Variants in COL11A1 observed in about 807,000 individuals in gnomAD.
COL11A1 encodes the protein collagen type XI alpha 1 chain, also known as collagen alpha-1(XI) chain.
A neutral mutation model predicts 265.2 loss-of-function variants in COL11A1; 74 were observed. The ratio of observed to expected loss-of-function variants is 0.28; its 90% CI spans 0.23 to 0.34. COL11A1 has a LOEUF of 0.34. Ranked by LOEUF, COL11A1 falls within the 10% of genes least tolerant of loss-of-function variation. COL11A1 has a pLI of 1.00. For synonymous variants in COL11A1, 816 were observed against 727.6 expected (o/e 1.12, Z -1.96); for missense variants, 2,165 against 2,263.6 (o/e 0.96, Z 0.88).
intron 64 of COL11A1, among the ~76,000 whole-genome samples, chr1:102,882,042 C>T (rs1650314494): frequency 6.6e-6 from 1 of 152,056 alleles, no homozygotes; most frequent in South Asian, 2.1e-4. Context: ...TATAGGCATA[C>T]TAAGGGTTAT....
At chr1:103,034,836 C>T (rs1014551466) in intron 4 of COL11A1, among the ~76,000 whole-genome samples, 1 of 152,000 alleles carries the variant, frequency 6.6e-6, no homozygotes, top group Admixed American at 6.6e-5. Flanking sequence ...AAATCAGATA[C>T]TATCCTCCCC....
chr1:102,937,727 C>CAT (rs1658292998), intron 44 of COL11A1, among the ~76,000 whole-genome samples: 1 of 152,124 alleles, frequency 6.6e-6, no homozygotes, highest in South Asian at 2.1e-4. Flanking sequence ...AAGCCCTCAC[C>CAT]ATAAGCCAAG....
At chr1:102,887,604 G>A (rs1651159753) in intron 62 of COL11A1, among the ~76,000 whole-genome samples, 1 of 152,058 alleles carries the variant, frequency 6.6e-6, no homozygotes, top group Admixed American at 6.6e-5. Flanking sequence ...TACATTACGA[G>A]CAGAGCTATA....
intron 4 of COL11A1, among the ~76,000 whole-genome samples, chr1:103,070,571 AGAT>A (rs1442559169): frequency 2.0e-5 from 3 of 151,954 alleles, no homozygotes; most frequent in Admixed American, 6.6e-5. Flanking sequence ...GAATTAAAAA[AGAT>A]GATAAGGAAT....
At chr1:102,923,297 AT>A (rs1557825498) in intron 47 of COL11A1, 38 bp downstream of exon 47, 1 of 1,541,952 alleles carries the variant, frequency 6.5e-7, no homozygotes, top group Non-Finnish European at 8.9e-7. Context: ...TGCCATGCAT[AT>A]AACACATACC....
At chr1:102,967,909 C>T (rs1407263116) in intron 37 of COL11A1, among the ~76,000 whole-genome samples, 1 of 152,118 alleles carries the variant, frequency 6.6e-6, no homozygotes, top group Admixed American at 6.5e-5. Context: ...AAAGTCTCGA[C>T]AAAATTACAA....
At position 102,949,207 on chromosome 1, in the gene COL11A1, C is replaced by G. The variant is rs370263700; in HGVS notation, c.3169-2251G>C. ...CCACTAAAGATAAATCTCCACTAAT[C>G]TGAAACACTGATTTATTGAGGATCA... On this transcript the variant is annotated intron_variant, in intron 41 of 66. Coordinates refer to ENST00000370096, the MANE Select transcript of COL11A1 (RefSeq NM_001854.4). Among the ~76,000 whole-genome samples, 63 of 150,272 alleles carry G rather than the reference C, an allele frequency of 4.2e-4. 2 individuals carry two copies. In the South Asian group the frequency reaches 0.013, roughly 31 times the overall value.
chr1:102,912,362 A>G (rs1016884543), intron 53 of COL11A1, 150 bp from the exon 54 acceptor site: 12 of 628,150 alleles, frequency 1.9e-5, no homozygotes, highest in Middle Eastern at 4.2e-4. Flanking sequence ...TCAGATACCT[A>G]AACTTCCTCT....
chr1:102,979,123 T>A lies in COL11A1; in HGVS notation c.2611-19A>T. The A allele has an allele frequency of 6.2e-7, 1 of 1,613,048 alleles. No individual in the cohort carries two copies. Among genetic ancestry groups the A allele is most frequent in the Non-Finnish European group, 8.5e-7 (1 of 1,179,244 alleles). On this transcript the variant is annotated intron_variant, in intron 32 of 66. Transcript: ENST00000370096. ...CTACTCCCTAGCAAAGACAGTTCAA[T>A]TTCAATATGCAGTATATCACAGTAA...
chr1:103,063,282 A>C (rs1309382479), intron 4 of COL11A1, among the ~76,000 whole-genome samples: 7 of 152,248 alleles, frequency 4.6e-5, no homozygotes, highest in Middle Eastern at 3.4e-3. Flanking sequence ...TAAAGAACAA[A>C]GACAGAGAAC....
chr1:103,086,308 T>G (rs186655358), intron 1 of COL11A1, among the ~76,000 whole-genome samples: 28 of 114,900 alleles, frequency 2.4e-4, no homozygotes, highest in African/African-American at 6.9e-4. Context: ...AGGCTGTAAT[T>G]TTTCTGAAAA....
At chr1:102,887,771 A>G (rs879539455) in intron 62 of COL11A1, among the ~76,000 whole-genome samples, 1 of 152,190 alleles carries the variant, frequency 6.6e-6, no homozygotes, top group Non-Finnish European at 1.5e-5. Context: ...GTGGGCCCTA[A>G]TCCAATATAA....
intron 40 of COL11A1, 64 bp downstream of exon 40, chr1:102,962,112 A>C (rs1428751500): frequency 1.3e-5 from 17 of 1,353,532 alleles, no homozygotes; most frequent in East Asian, 2.3e-5. Flanking sequence ...TTAAGTTCTG[A>C]GAAAAAATGC....
chr1:103,043,348 C>A (rs1002787351), intron 4 of COL11A1, among the ~76,000 whole-genome samples: 2 of 151,416 alleles, frequency 1.3e-5, no homozygotes, highest in Non-Finnish European at 2.9e-5. Context: ...GAAGGTATAG[C>A]ATCTCTACAA....
At chr1:103,064,718 G>T (rs900826222) in intron 4 of COL11A1, among the ~76,000 whole-genome samples, 1 of 134,308 alleles carries the variant, frequency 7.4e-6, no homozygotes, top group Admixed American at 7.6e-5. Context: ...AAAAAAAAGA[G>T]AATACATAGA....
intron 4 of COL11A1, among the ~76,000 whole-genome samples, chr1:103,042,296 C>CAATTCTT (rs1200960264): frequency 6.6e-6 from 1 of 152,012 alleles, no homozygotes; most frequent in Non-Finnish European, 1.5e-5. Flanking sequence ...TCTTTACTAC[C>CAATTCTT]TGCTATATTC....
intron 4 of COL11A1, among the ~76,000 whole-genome samples, chr1:103,036,353 ATACT>A (rs1668373074): frequency 7.0e-6 from 1 of 142,064 alleles, no homozygotes; most frequent in African/African-American, 2.6e-5. Context: ...TATATATATG[ATACT>A]TATGTATATA....
chr1:103,017,007 G>A (rs1482938092), intron 11 of COL11A1, among the ~76,000 whole-genome samples: 1 of 151,868 alleles, frequency 6.6e-6, no homozygotes, highest in Non-Finnish European at 1.5e-5. Context: ...AAAATATGGT[G>A]GGATTTAAAA....
At chr1:102,947,446 G>T (rs2101415995) in intron 41 of COL11A1, among the ~76,000 whole-genome samples, 1 of 151,978 alleles carries the variant, frequency 6.6e-6, no homozygotes, top group South Asian at 2.1e-4. Flanking sequence ...CTTTGCATTA[G>T]GATACACACA....
Sources: allele counts gnomAD v4.1 joint callset (sites outside exome capture counted in the v4.1 genomes callset), GRCh38; gene constraint gnomAD v4.1.1; transcripts MANE v1.5; gene names NCBI Gene and HGNC (gene_info 2026-07-23, HGNC 2026-07-21).